PHLDB2: variants seen among roughly 807,000 people sequenced by gnomAD.
PHLDB2 encodes pleckstrin homology-like domain family B member 2.
In PHLDB2, 71 loss-of-function variants were observed where a neutral mutation model predicts 123.6. That is an observed-to-expected ratio of 0.57 (90% CI 0.47 to 0.70). The LOEUF is 0.70. PHLDB2 is among the 30% of genes least tolerant of loss of function. The probability of loss-of-function intolerance (pLI) is 0.00; values close to 1 mark genes in which losing one functional copy is unlikely to be tolerated. For synonymous variants in PHLDB2, 547 were observed against 541.6 expected (o/e 1.01, Z -0.14); for missense variants, 1,446 against 1,519.5 (o/e 0.95, Z 0.80).
intron 1 of PHLDB2, among the ~76,000 whole-genome samples, chr3:111,871,978 A>G (rs1162514127): frequency 4.6e-5 from 7 of 152,218 alleles, no homozygotes; most frequent in Non-Finnish European, 7.3e-5. Flanking sequence ...CGATCTCATC[A>G]TGACTTCTTG....
intron 1 of PHLDB2, among the ~76,000 whole-genome samples, chr3:111,843,558 T>A (rs1036623623): frequency 1.3e-5 from 2 of 152,194 alleles, no homozygotes; most frequent in Non-Finnish European, 2.9e-5. Flanking sequence ...CCTGGCTAAT[T>A]TTTTAAAATC....
At chr3:111,950,864 A>G (rs2070671535) in intron 10 of PHLDB2, among the ~76,000 whole-genome samples, 1 of 152,234 alleles carries the variant, frequency 6.6e-6, no homozygotes, top group South Asian at 2.1e-4. Flanking sequence ...TAAGTTATGT[A>G]TACAAGGAAG....
intron 1 of PHLDB2, among the ~76,000 whole-genome samples, chr3:111,816,577 T>C (rs1304681527): frequency 6.6e-6 from 1 of 152,224 alleles, no homozygotes; most frequent in Non-Finnish European, 1.5e-5. Context: ...TGTATTTACC[T>C]GATGCCTGTA....
chr3:111,924,865 G>A (rs374366714), intron 5 of PHLDB2, among the ~76,000 whole-genome samples: 1 of 152,120 alleles, frequency 6.6e-6, no homozygotes, highest in Non-Finnish European at 1.5e-5. Context: ...GTCTCTCTCT[G>A]TTGCCCAGGC....
At chr3:111,766,534 A>G (rs973010611) in intron 1 of PHLDB2, among the ~76,000 whole-genome samples, 39 of 152,176 alleles carry the variant, frequency 2.6e-4, no homozygotes, top group African/African-American at 9.4e-4. Context: ...GTAATTTCAT[A>G]GGGTTTTCAG....
intron 1 of PHLDB2, among the ~76,000 whole-genome samples, chr3:111,771,196 C>G (rs973344897): frequency 1.3e-5 from 2 of 152,224 alleles, no homozygotes; most frequent in Non-Finnish European, 2.9e-5. Flanking sequence ...GTGGCTTACA[C>G]AACATAATTT....
At chr3:111,837,153 C>A (rs73226343) in intron 1 of PHLDB2, among the ~76,000 whole-genome samples, 15,455 of 152,104 alleles carry the variant, frequency 0.1, 1,022 homozygotes, top group South Asian at 0.17. Context: ...ATAATGCCTG[C>A]AAAGTGCTTA....
At position 111,827,685 on chromosome 3, in the gene PHLDB2, CAAAAAA is replaced by C. The variant is rs565813163; in HGVS notation, c.-48-18116_-48-18111del. Among the ~76,000 whole-genome samples, 516 of 73,178 alleles carry C rather than the reference CAAAAAA, an allele frequency of 7.1e-3. 2 individuals carry two copies. Among genetic ancestry groups the C allele is most frequent in the African/African-American group, 0.02 (474 of 24,218 alleles). The allele number at this position is 73,178 out of a possible 152,430, so 48.0% of individuals were successfully genotyped here. ...GACAGAGCGAGACGAGAATCCGTCT[CAAAAAA>C]AAAAAAAAAAAAAAAAAAAGGAAAG... On this transcript the variant is annotated intron_variant, in intron 1 of 17. Transcript: ENST00000393923.
At position 111,913,478 on chromosome 3, in the gene PHLDB2, C is replaced by T. The variant is rs914135526; in HGVS notation, c.1495C>T (p.Leu499Phe). The T allele has an allele frequency of 2.5e-6, 4 of 1,613,976 alleles. No homozygotes were observed. The highest frequency in any genetic ancestry group is 1.3e-5 in the African/African-American group (1 of 74,904). ...TGAGGAGTCTGTGTTTGAGGAAGCC[C>T]TCATGAGCCCTGACACAAGATACAG... ...SDEESVFEEA[L>F]MSPDTRYRCH... The change falls in exon 3 of 18, where the codon CTC (leucine) becomes TTC (phenylalanine). Residue 499 changes from leucine to phenylalanine, a missense_variant. By Grantham distance (22) the Leu-to-Phe change is conservative. Coordinates refer to ENST00000431670, the MANE Select transcript of PHLDB2 (RefSeq NM_001134438.2).
intron 1 of PHLDB2, among the ~76,000 whole-genome samples, chr3:111,739,920 C>T (rs756960001): frequency 1.3e-5 from 2 of 152,086 alleles, no homozygotes; most frequent in Non-Finnish European, 2.9e-5. Flanking sequence ...CTCAAGATGA[C>T]TAGCAGAATT....
intron 9 of PHLDB2, among the ~76,000 whole-genome samples, chr3:111,945,872 T>C (rs1373230131): frequency 6.6e-6 from 1 of 152,112 alleles, no homozygotes; most frequent in Non-Finnish European, 1.5e-5. Context: ...GAAAGTCCTA[T>C]TTACAGTAAA....
chr3:111,834,791 T>C (rs574730585), intron 1 of PHLDB2, among the ~76,000 whole-genome samples: 2 of 152,226 alleles, frequency 1.3e-5, no homozygotes, highest in South Asian at 2.1e-4. Flanking sequence ...GGAAATTTCC[T>C]TTGTAATATC....
rs143804090 is a variant in PHLDB2, at chr3:111,888,451, G to A, written c.1335+3039G>A. Among the ~76,000 whole-genome samples the A allele has an allele frequency of 3.3e-5, 5 of 152,240 alleles. No homozygotes were observed. In the East Asian group the frequency reaches 7.7e-4, roughly 23 times the overall value. On this transcript the variant is annotated intron_variant, in intron 2 of 17. Coordinates refer to ENST00000431670, the MANE Select transcript of PHLDB2 (RefSeq NM_001134438.2). ...GAGTAATAAAGAATTGTGTATACCT[G>A]AGAGTAGTGAATGTTTGTGGTTTGG...
chr3:111,732,572 G>T, exon 1 of PHLDB2: 1 of 1,477,546 alleles, frequency 6.8e-7, no homozygotes, highest in Non-Finnish European at 9.1e-7. Context: ...TTGGGGAAAA[G>T]GAGAAACCTG....
intron 1 of PHLDB2, among the ~76,000 whole-genome samples, chr3:111,762,082 A>G (rs1474480588): frequency 6.6e-6 from 1 of 152,194 alleles, no homozygotes; most frequent in Non-Finnish European, 1.5e-5. Context: ...GCTGAGAACC[A>G]GACCAGCGTC....
intron 5 of PHLDB2, among the ~76,000 whole-genome samples, chr3:111,927,605 G>A (rs182950943): frequency 6.6e-6 from 1 of 152,226 alleles, no homozygotes; most frequent in African/African-American, 2.4e-5. Context: ...AAGAACCTCA[G>A]GTACATTTGC....
chr3:111,806,470 CT>C (rs1010733462), intron 1 of PHLDB2, among the ~76,000 whole-genome samples: 3 of 150,586 alleles, frequency 2.0e-5, no homozygotes, highest in East Asian at 1.9e-4. Flanking sequence ...TGAATCTTTT[CT>C]TTTTTTTTCT....
At chr3:111,882,996 T>C (rs11925267) in intron 1 of PHLDB2, among the ~76,000 whole-genome samples, 1,847 of 152,296 alleles carry the variant, frequency 0.012, 53 homozygotes, top group African/African-American at 0.042. Context: ...GTGATACTGT[T>C]TATATATAGA....
intron 2 of PHLDB2, among the ~76,000 whole-genome samples, chr3:111,890,918 G>A (rs962899743): frequency 2.0e-5 from 3 of 151,990 alleles, no homozygotes; most frequent in Non-Finnish European, 4.4e-5. Context: ...CAGCCTTTTC[G>A]TTTTTTATGA....
Sources: gnomAD v4.1 joint callset for allele counts (sites outside exome capture counted in the v4.1 genomes callset) on GRCh38, gnomAD v4.1.1 for gene constraint, MANE v1.5 for transcripts, NCBI Gene and HGNC (gene_info 2026-07-23, HGNC 2026-07-21) for gene names.